Variants in SLC25A12 observed in about 807,000 individuals in gnomAD.
The protein encoded by SLC25A12 is electrogenic aspartate/glutamate antiporter SLC25A12, mitochondrial.
SLC25A12 carries 32 observed loss-of-function variants against 83.3 expected under a neutral mutation model. The observed-to-expected ratio is 0.38, with a 90% CI of 0.29 to 0.52. SLC25A12 has a LOEUF of 0.52. Ranked by LOEUF, SLC25A12 falls within the 20% of genes least tolerant of loss-of-function variation. The probability of loss-of-function intolerance (pLI) is 0.84; values close to 1 mark genes in which losing one functional copy is unlikely to be tolerated. For synonymous variants in SLC25A12, 267 were observed against 291.1 expected, an observed-to-expected ratio of 0.92 and a Z score of 0.84; for missense variants, 611 against 835.6, an observed-to-expected ratio of 0.73 and a Z score of 3.31.
At chr2:171,789,356 G>A (rs1690551696) in intron 15 of SLC25A12, among the ~76,000 whole-genome samples, 1 of 152,146 alleles carries the variant, frequency 6.6e-6, no homozygotes, top group Non-Finnish European at 1.5e-5. Context: ...AGCCTCCCCA[G>A]TAGCTGGGAC....
At chr2:171,860,625 A>G (rs2105909894) in intron 3 of SLC25A12, among the ~76,000 whole-genome samples, 1 of 152,098 alleles carries the variant, frequency 6.6e-6, no homozygotes, top group Non-Finnish European at 1.5e-5. Flanking sequence ...ACAACAAAAA[A>G]CCCTCAAAAC....
chr2:171,809,027 C>T (rs1683897393), intron 13 of SLC25A12, among the ~76,000 whole-genome samples: 1 of 152,172 alleles, frequency 6.6e-6, no homozygotes, highest in Non-Finnish European at 1.5e-5. Flanking sequence ...CTGCAAAGGA[C>T]AGGAACTCAT....
chr2:171,793,827 A>T (rs1683539814), intron 13 of SLC25A12, 60 bp from the exon 14 acceptor site: 28 of 1,601,426 alleles, frequency 1.7e-5, no homozygotes, highest in Non-Finnish European at 2.1e-5. Flanking sequence ...GGCAGCGTAA[A>T]AAAGGAAAAT....
chr2:171,857,664 A>G (rs1685073959), intron 3 of SLC25A12, among the ~76,000 whole-genome samples: 1 of 152,116 alleles, frequency 6.6e-6, no homozygotes, highest in Admixed American at 6.6e-5. Flanking sequence ...CAGCCTGGGT[A>G]ACAGAGCCAG....
intron 13 of SLC25A12, among the ~76,000 whole-genome samples, chr2:171,802,907 T>C (rs1197216212): frequency 6.6e-6 from 1 of 152,248 alleles, no homozygotes; most frequent in African/African-American, 2.4e-5. Flanking sequence ...AAGTGAGAGT[T>C]GCTTGCATTT....
intron 3 of SLC25A12, among the ~76,000 whole-genome samples, chr2:171,857,627 G>A (rs902357821): frequency 2.0e-5 from 3 of 151,892 alleles, no homozygotes; most frequent in South Asian, 4.2e-4. Context: ...AGAGGTTGCA[G>A]TGAGCCAAGA....
chr2:171,867,194 G>A (rs1181884333), intron 3 of SLC25A12, among the ~76,000 whole-genome samples: 73 of 150,504 alleles, frequency 4.9e-4, no homozygotes, highest in African/African-American at 1.8e-3. Context: ...GACGATGGGC[G>A]GCCAGGCAGA....
At position 171,871,679 on chromosome 2, in the gene SLC25A12, C is replaced by T. The variant is rs924585913; in HGVS notation, c.67-2856G>A. On this transcript the variant is annotated intron_variant, in intron 2 of 17. Transcript: ENST00000422440. ...TTCCCTGTCCCAAGTTAGTTCCTCT[C>T]TCCTCCACTCACCTTCCATGTTGCC... The T allele has an allele frequency of 1.1e-4, 109 of 978,240 alleles. 1 individual carries two copies. The African/African-American group carries it at 1.7e-3, about 16-fold the overall frequency. The allele number at this position is 978,240 out of a possible 1,614,324, so 60.6% of individuals were successfully genotyped here.
rs571726180 is a variant in SLC25A12, at chr2:171,858,280, T to C, written c.210-2331A>G. On this transcript the variant is annotated intron_variant, in intron 3 of 17. Coordinates refer to ENST00000422440, the MANE Select transcript of SLC25A12 (RefSeq NM_003705.5). ...ATATATTTCAAAATGTGTTAATTGA[T>C]ACAAGGATTTTCTATAGTGTATTTT... Among the ~76,000 whole-genome samples, 24 of 152,334 alleles carry C rather than the reference T, an allele frequency of 1.6e-4. No individual in the cohort carries two copies. The South Asian group carries it at 5.0e-3, about 32-fold the overall frequency.
At chr2:171,821,301 G>A (rs190011600) in intron 9 of SLC25A12, among the ~76,000 whole-genome samples, 2 of 152,124 alleles carry the variant, frequency 1.3e-5, no homozygotes, top group Non-Finnish European at 1.5e-5. Context: ...ACAGGTGTGA[G>A]CCACCACACC....
intron 2 of SLC25A12, among the ~76,000 whole-genome samples, chr2:171,870,114 C>T (rs1558939266): frequency 1.3e-5 from 2 of 152,048 alleles, no homozygotes; most frequent in Non-Finnish European, 2.9e-5. Context: ...AAGAATGATG[C>T]CTGGCTTATA....
chr2:171,833,546 C>T (rs1558924171), intron 8 of SLC25A12, among the ~76,000 whole-genome samples: 2 of 152,202 alleles, frequency 1.3e-5, no homozygotes, highest in African/African-American at 2.4e-5. Flanking sequence ...GCTGGGATTA[C>T]AGGCGTGAGC....
intron 3 of SLC25A12, among the ~76,000 whole-genome samples, chr2:171,862,210 T>C (rs1161870786): frequency 1.3e-5 from 2 of 152,202 alleles, no homozygotes; most frequent in African/African-American, 4.8e-5. Flanking sequence ...CCAGATAAAA[T>C]TCTGACTAGG....
At chr2:171,816,845 T>G (rs1046398761) in intron 9 of SLC25A12, among the ~76,000 whole-genome samples, 1 of 152,204 alleles carries the variant, frequency 6.6e-6, no homozygotes, top group Non-Finnish European at 1.5e-5. Flanking sequence ...TTGAAGGAAT[T>G]CAAGTTATGG....
intron 13 of SLC25A12, among the ~76,000 whole-genome samples, chr2:171,795,869 T>G: frequency 6.6e-6 from 1 of 152,078 alleles, no homozygotes; most frequent in East Asian, 1.9e-4. Context: ...TCAAATTTTT[T>G]GAAGTATACA....
At chr2:171,834,898 C>A in intron 6 of SLC25A12, 33 bp from the exon 7 acceptor site, 1 of 1,603,616 alleles carries the variant, frequency 6.2e-7, no homozygotes, top group South Asian at 1.1e-5. Flanking sequence ...GTTTAAAAAA[C>A]AAACAAAAAC....
chr2:171,867,934 T>C (rs1685372034), intron 3 of SLC25A12, among the ~76,000 whole-genome samples: 1 of 152,150 alleles, frequency 6.6e-6, no homozygotes, highest in African/African-American at 2.4e-5. Flanking sequence ...AAGCTCTGCC[T>C]CCTGGGTTCA....
chr2:171,864,483 G>A (rs779922658), intron 3 of SLC25A12, among the ~76,000 whole-genome samples: 5 of 152,286 alleles, frequency 3.3e-5, no homozygotes, highest in Non-Finnish European at 7.3e-5. Context: ...CTGCAAGACA[G>A]AGTCAAAAGC....
intron 17 of SLC25A12, among the ~76,000 whole-genome samples, chr2:171,787,240 G>T (rs550689910): frequency 1.3e-5 from 2 of 152,182 alleles, no homozygotes; most frequent in South Asian, 4.2e-4. Context: ...TGGGAGGATC[G>T]CTTGAGCCCG....
Sources: gnomAD v4.1 joint callset for allele counts (sites outside exome capture counted in the v4.1 genomes callset) on GRCh38, gnomAD v4.1.1 for gene constraint, MANE v1.5 for transcripts, NCBI Gene and HGNC (gene_info 2026-07-23, HGNC 2026-07-21) for gene names.